Variants in TCF23 observed in about 807,000 individuals in gnomAD.
TCF23 encodes the protein transcription factor 23.
A neutral mutation model predicts 13.0 loss-of-function variants in TCF23; 7 were observed. The observed-to-expected ratio is 0.54, with a 90% CI of 0.31 to 1.01. The LOEUF is 1.01. Among genes scored for constraint, TCF23 ranks in the 50% least tolerant of loss-of-function variants. TCF23 has a pLI of 0.06. For missense variants in TCF23, 257 were observed against 289.8 expected (o/e 0.89, Z 0.82); for synonymous variants, 122 against 119.5 (o/e 1.02, Z -0.14).
In TCF23 at chr2:27,155,153, G is replaced by A. The variant is rs372930025; in HGVS notation, c.*2286G>A. 1 of 152,494 alleles carries A rather than the reference G, an allele frequency of 6.6e-6. No individual in the cohort carries two copies. The highest frequency in any genetic ancestry group is 1.5e-5 in the Non-Finnish European group (1 of 68,296). The allele number at this position is 152,494 out of a possible 1,614,324, so 9.4% of individuals were successfully genotyped here. The stretch of plus-strand genomic sequence containing the variant: ...GTCCCATCGCTACAAGTTTCTCAGG[G>A]TGTCTTGGGCCCTTTCCAGGCAAAG... On this transcript the variant is annotated 3_prime_UTR_variant, in exon 3 of 3. Coordinates refer to ENST00000296096, the MANE Select transcript of TCF23 (RefSeq NM_175769.3).
rs377373398 is a variant in TCF23, at chr2:27,151,396, G to A, written c.465+1031G>A. Reference sequence around the variant, plus strand: ...GTCGCCCAGGCTGGAGTGCAGTGGCGCAATCTTGGCTCACTGCAACCTCCA... The same window carrying A: ...GTCGCCCAGGCTGGAGTGCAGTGGCACAATCTTGGCTCACTGCAACCTCCA... On this transcript the variant is annotated intron_variant, in intron 2 of 2. Coordinates refer to ENST00000296096, the MANE Select transcript of TCF23 (RefSeq NM_175769.3). Among the ~76,000 whole-genome samples the A allele has an allele frequency of 5.9e-5, 9 of 151,966 alleles. No individual in the cohort carries two copies. The South Asian group carries it at 1.0e-3, about 18-fold the overall frequency.
In TCF23 at chr2:27,153,022, G is replaced by C; in HGVS notation, c.*155G>C. The C allele has an allele frequency of 6.8e-7, 1 of 1,465,642 alleles. No individual in the cohort carries two copies. Among genetic ancestry groups the C allele is most frequent in the Non-Finnish European group, 9.0e-7 (1 of 1,112,522 alleles). 90.8% of individuals were successfully genotyped at this position (1,465,642 alleles called of 1,614,324 possible). A position where few individuals can be genotyped will look rare whatever the true frequency, so the allele number is the denominator to read the frequency against. On this transcript the variant is annotated 3_prime_UTR_variant, in exon 3 of 3. Coordinates refer to ENST00000296096, the MANE Select transcript of TCF23 (RefSeq NM_175769.3). ...GAGAAGCAGTAGCACTTCTGTGATG[G>C]ACAGTACCTAGAGGGGCACAGGTTG...
Position 27,149,013 on chromosome 2 carries a change from C to T in TCF23, c.-121C>T, listed in dbSNP as rs755304845. On this transcript the variant is annotated 5_prime_UTR_variant, in exon 1 of 3. Transcript: ENST00000296096. ...GGGAGCAAACAGGACTGAGTTGGCG[C>T]CAGCTTCCTCGGATGTAGATATTGC... is the stretch of plus-strand genomic sequence containing the variant. 5 of 1,012,232 alleles carry T rather than the reference C, an allele frequency of 4.9e-6. No individual in the cohort carries two copies. In the South Asian group the frequency reaches 6.7e-5, roughly 14 times the overall value. The allele number at this position is 1,012,232 out of a possible 1,614,324, so 62.7% of individuals were successfully genotyped here.
intron 2 of TCF23, 101 bp from the exon 3 acceptor site, chr2:27,152,587 G>T: frequency 7.2e-7 from 1 of 1,395,954 alleles, no homozygotes; most frequent in Non-Finnish European, 9.8e-7. Flanking sequence ...GAAGGTGTCA[G>T]GGAGGGATGC....
In TCF23 at chr2:27,150,939, A is replaced by G. The variant is rs1424906913; in HGVS notation, c.465+574A>G. Among the ~76,000 whole-genome samples, 2 of 152,252 alleles carry G rather than the reference A, an allele frequency of 1.3e-5. No homozygotes were observed. Among genetic ancestry groups the G allele is most frequent in the African/African-American group, 2.4e-5 (1 of 41,464 alleles). On this transcript the variant is annotated intron_variant, in intron 2 of 2. Transcript: ENST00000296096. The surrounding 1 kb of genome is among the most constrained non-coding windows in gnomAD (Gnocchi z 4.1). Reference sequence around the variant, plus strand: ...TATTACACGTAAAATAGAAGCTAACATGAGCCTTACTTCTCTTCCAGAGTA... The same window carrying G: ...TATTACACGTAAAATAGAAGCTAACGTGAGCCTTACTTCTCTTCCAGAGTA...
In TCF23 at chr2:27,153,130, T is replaced by A; in HGVS notation, c.*263T>A. ...TACTGGGAAGTGGGAGAGAAAGAGG[T>A]ATAATTGGGCTCAAAGTTGAGGTAG... On this transcript the variant is annotated 3_prime_UTR_variant, in exon 3 of 3. Transcript: ENST00000296096. 1.4e-6 allele frequency: 1 copy of A among 708,682 alleles called. No homozygotes were observed. Among genetic ancestry groups the A allele is most frequent in the Non-Finnish European group, 2.0e-6 (1 of 511,474 alleles). The allele number at this position is 708,682 out of a possible 1,614,324, so 43.9% of individuals were successfully genotyped here.
In TCF23 at chr2:27,150,865, G is replaced by C. The variant is rs1204582548; in HGVS notation, c.465+500G>C. 6.6e-6 allele frequency among the ~76,000 whole-genome samples: 1 copy of C among 152,118 alleles called. No homozygotes were observed. Among genetic ancestry groups the C allele is most frequent in the African/African-American group, 2.4e-5 (1 of 41,432 alleles). On this transcript the variant is annotated intron_variant, in intron 2 of 2. Coordinates refer to ENST00000296096, the MANE Select transcript of TCF23 (RefSeq NM_175769.3). The surrounding 1 kb of genome is among the most constrained non-coding windows in gnomAD (Gnocchi z 4.1). ...GTTAGCAGGCAGCAGTACAGGGAAG[G>C]CGCGCACCACTTGCCAGACTGCAAT...
rs1572358957 is a variant in TCF23, at chr2:27,150,786, CAGG to C, written c.465+424_465+426del. On this transcript the variant is annotated intron_variant, in intron 2 of 2. Coordinates refer to ENST00000296096, the MANE Select transcript of TCF23 (RefSeq NM_175769.3). This position sits in a 1 kb window ranked among gnomAD's most constrained non-coding sequence, Gnocchi z 4.1. ...TCTGTTGCAAGAGAGGTCTGTCCTC[CAGG>C]AGAACAACGGTCTGAGGGACCGTCA... Among the ~76,000 whole-genome samples the C allele has an allele frequency of 6.6e-6, 1 of 152,084 alleles. No individual in the cohort carries two copies. Among genetic ancestry groups the C allele is most frequent in the Admixed American group, 6.6e-5 (1 of 15,258 alleles).
Position 27,154,719 on chromosome 2 carries a change from C to T in TCF23, c.*1852C>T, listed in dbSNP as rs1249795705. On this transcript the variant is annotated 3_prime_UTR_variant, in exon 3 of 3. Coordinates refer to ENST00000296096, the MANE Select transcript of TCF23 (RefSeq NM_175769.3). ...GCTGATGTGGGCAGCTGGACAGGGCCAGGCAGGGGCAGAGGCCAGGTGTGG... is the reference window on the plus strand; with the variant it reads ...GCTGATGTGGGCAGCTGGACAGGGCTAGGCAGGGGCAGAGGCCAGGTGTGG... 6.5e-6 allele frequency: 1 copy of T among 152,864 alleles called. No individual in the cohort carries two copies. The highest frequency in any genetic ancestry group is 1.5e-5 in the Non-Finnish European group (1 of 68,540). The allele number at this position is 152,864 out of a possible 1,614,324, so 9.5% of individuals were successfully genotyped here. A position where few individuals can be genotyped will look rare whatever the true frequency, so the allele number is the denominator to read the frequency against.
At position 27,154,672 on chromosome 2, in the gene TCF23, G is replaced by A. The variant is rs1558488942; in HGVS notation, c.*1805G>A. 6.6e-6 allele frequency: 1 copy of A among 152,520 alleles called. No homozygotes were observed. Among genetic ancestry groups the A allele is most frequent in the Non-Finnish European group, 1.5e-5 (1 of 68,224 alleles). The allele number at this position is 152,520 out of a possible 1,614,324, so 9.4% of individuals were successfully genotyped here. On this transcript the variant is annotated 3_prime_UTR_variant, in exon 3 of 3. Transcript: ENST00000296096. ...GCCTTGAACCACGTCTCTGCAGAGG[G>A]ACCCTGAAGAGCTTGTGCAGAGCTG...
Position 27,155,186 on chromosome 2 carries a change from C to T in TCF23, c.*2319C>T, listed in dbSNP as rs570120610. 14 of 152,450 alleles carry T rather than the reference C, an allele frequency of 9.2e-5. No individual in the cohort carries two copies. Among genetic ancestry groups the T allele is most frequent in the African/African-American group, 3.1e-4 (13 of 41,562 alleles). 9.4% of individuals were successfully genotyped at this position (152,450 alleles called of 1,614,324 possible). ...GGCCCTTTCCAGGCAAAGCTGTTCT[C>T]CTTTGTGCCCAGGACAGTCGAGGGG... On this transcript the variant is annotated 3_prime_UTR_variant, in exon 3 of 3. Transcript: ENST00000296096.
In TCF23 at chr2:27,155,111, A is replaced by AG. The variant is rs1310351572; in HGVS notation, c.*2247dup. ...GGCACAGGAAGGATGACGCAGGTGG[A>AG]GGGCTGCAGGAGGCAGGTCCCATCG... On this transcript the variant is annotated 3_prime_UTR_variant, in exon 3 of 3. Coordinates refer to ENST00000296096, the MANE Select transcript of TCF23 (RefSeq NM_175769.3). 3 of 152,742 alleles carry AG rather than the reference A, an allele frequency of 2.0e-5. No homozygotes were observed. The highest frequency in any genetic ancestry group is 7.2e-5 in the African/African-American group (3 of 41,440). 9.5% of individuals were successfully genotyped at this position (152,742 alleles called of 1,614,324 possible).
rs1051750834 is a variant in TCF23 at position 27,154,170 on chromosome 2, T to C, written c.*1303T>C. ...TGTGATATAGCTTCGGTGAAACTCA[T>C]CTCTGGCCCTAAAGAAATAACTTGA... On this transcript the variant is annotated 3_prime_UTR_variant, in exon 3 of 3. Transcript: ENST00000296096. 2 of 152,200 alleles carry C rather than the reference T, an allele frequency of 1.3e-5. No homozygotes were observed. The highest frequency in any genetic ancestry group is 2.4e-5 in the African/African-American group (1 of 41,436). 9.4% of individuals were successfully genotyped at this position (152,200 alleles called of 1,614,324 possible).
chr2:27,149,400 G>T, intron 1 of TCF23, 45 bp downstream of exon 1: 1 of 1,531,572 alleles, frequency 6.5e-7, no homozygotes. Context: ...GGAGGAAGGG[G>T]TTGGAAGGTG....
At position 27,150,391 on chromosome 2, in the gene TCF23, G is replaced by A. The variant is rs1425073752; in HGVS notation, c.465+26G>A. On this transcript the variant is annotated intron_variant, in intron 2 of 2. Transcript: ENST00000296096. This position sits in a 1 kb window ranked among gnomAD's most constrained non-coding sequence, Gnocchi z 4.1. ...GTAAGTCACAAGCCCTGGGACTTGA[G>A]AGGCGGATCTTAATGCCCAGGGCCT... The A allele has an allele frequency of 2.5e-6, 4 of 1,605,052 alleles. No individual in the cohort carries two copies. Among genetic ancestry groups the A allele is most frequent in the South Asian group, 1.1e-5 (1 of 90,884 alleles).
At position 27,149,066 on chromosome 2, in the gene TCF23, A is replaced by G; in HGVS notation, c.-68A>G. 2.8e-6 allele frequency: 4 copies of G among 1,434,392 alleles called. No homozygotes were observed. The highest frequency in any genetic ancestry group is 3.8e-6 in the Non-Finnish European group (4 of 1,056,254). The allele number at this position is 1,434,392 out of a possible 1,614,324, so 88.9% of individuals were successfully genotyped here. A position where few individuals can be genotyped will look rare whatever the true frequency, so the allele number is the denominator to read the frequency against. The stretch of plus-strand genomic sequence containing the variant: ...GCTGGATGACCAGCCACAGCCAGCT[A>G]GCTTGAGTCCAAGGCCTCCTCAGGC... On this transcript the variant is annotated 5_prime_UTR_variant, in exon 1 of 3. Transcript: ENST00000296096.
Position 27,153,183 on chromosome 2 carries a change from G to A in TCF23, c.*316G>A, listed in dbSNP as rs1672787025. On this transcript the variant is annotated 3_prime_UTR_variant, in exon 3 of 3. Transcript: ENST00000296096. ...AACCACCCTAGCTTTCTTCCCCTAA[G>A]GTTTCTACAAACCCTCTGCAGATAG... The A allele has an allele frequency of 9.9e-6, 3 of 303,128 alleles. No individual in the cohort carries two copies. The highest frequency in any genetic ancestry group is 1.7e-5 in the Non-Finnish European group (3 of 179,558). 18.8% of individuals were successfully genotyped at this position (303,128 alleles called of 1,614,324 possible). A position where few individuals can be genotyped will look rare whatever the true frequency, so the allele number is the denominator to read the frequency against.
chr2:27,149,078 A>G lies in TCF23; in HGVS notation c.-56A>G, dbSNP rs997042889. ...GCCACAGCCAGCTAGCTTGAGTCCA[A>G]GGCCTCCTCAGGCACTGTGTTTCTG... On this transcript the variant is annotated 5_prime_UTR_variant, in exon 1 of 3. Transcript: ENST00000296096. The G allele has an allele frequency of 4.7e-6, 7 of 1,496,246 alleles. No individual in the cohort carries two copies. In the African/African-American group the frequency reaches 7.0e-5, roughly 15 times the overall value. The allele number at this position is 1,496,246 out of a possible 1,614,324, so 92.7% of individuals were successfully genotyped here. A position where few individuals can be genotyped will look rare whatever the true frequency, so the allele number is the denominator to read the frequency against.
rs1672753202 is a variant in TCF23, at chr2:27,150,980, A to G, written c.465+615A>G. Among the ~76,000 whole-genome samples the G allele has an allele frequency of 6.6e-6, 1 of 152,252 alleles. No homozygotes were observed. The highest frequency in any genetic ancestry group is 2.1e-4 in the South Asian group (1 of 4,832). On this transcript the variant is annotated intron_variant, in intron 2 of 2. Transcript: ENST00000296096. The surrounding 1 kb of genome is among the most constrained non-coding windows in gnomAD (Gnocchi z 4.1). ...TTCCAGAGTACAAAATGGAAAGTCTAATGAACATTAATCATCTTTGCAATA... is the reference window on the plus strand; with the variant it reads ...TTCCAGAGTACAAAATGGAAAGTCTGATGAACATTAATCATCTTTGCAATA...
Sources: gnomAD v4.1 joint callset for allele counts (sites outside exome capture counted in the v4.1 genomes callset) on GRCh38, gnomAD v4.1.1 for gene constraint, Gnocchi (gnomAD v3.1) non-coding constraint, MANE v1.5 for transcripts, NCBI Gene and HGNC (gene_info 2026-07-23, HGNC 2026-07-21) for gene names.